MOB1A: variants seen among roughly 807,000 people sequenced by gnomAD.
The protein encoded by MOB1A is MOB1 Mps One Binder homolog A.
A neutral mutation model predicts 25.1 loss-of-function variants in MOB1A; 10 were observed. The ratio of observed to expected loss-of-function variants is 0.40; its 90% CI spans 0.25 to 0.68. MOB1A has a LOEUF of 0.68. Ranked by LOEUF, MOB1A falls within the 30% of genes least tolerant of loss-of-function variation. The probability of loss-of-function intolerance (pLI) is 0.40; values close to 1 mark genes in which losing one functional copy is unlikely to be tolerated. For synonymous variants in MOB1A, 81 were observed against 79.5 expected (o/e 1.02, Z -0.10); for missense variants, 177 against 256.3 (o/e 0.69, Z 2.11).
At chr2:74,176,353 C>T (rs373938834) in intron 1 of MOB1A, among the ~76,000 whole-genome samples, 1 of 125,080 alleles carries the variant, frequency 8.0e-6, no homozygotes, top group Non-Finnish European at 1.7e-5. Flanking sequence ...AAGTTTTTAA[C>T]ATGATAAAAA....
intron 2 of MOB1A, among the ~76,000 whole-genome samples, chr2:74,169,563 C>CT (rs1693224580): frequency 1.3e-5 from 2 of 152,062 alleles, no homozygotes; most frequent in Admixed American, 1.3e-4. Flanking sequence ...CAGAGTATCA[C>CT]GAGATATACC....
chr2:74,168,705 A>G (rs1693200173), intron 2 of MOB1A, among the ~76,000 whole-genome samples: 1 of 152,232 alleles, frequency 6.6e-6, no homozygotes, highest in Admixed American at 6.5e-5. Context: ...GTATTTTCCA[A>G]GTTTCTTAAA....
chr2:74,164,256 T>A (rs1244058794), intron 4 of MOB1A: 1 of 152,232 alleles, frequency 6.6e-6, no homozygotes, highest in African/African-American at 2.4e-5. Context: ...TGGTGGCTCA[T>A]GCCTGTAATC....
intron 1 of MOB1A, among the ~76,000 whole-genome samples, chr2:74,176,453 A>G (rs1273611616): frequency 6.6e-6 from 1 of 151,610 alleles, no homozygotes; most frequent in African/African-American, 2.4e-5. Context: ...CCTACAACTC[A>G]AAAAGACAGC....
At chr2:74,161,913 C>T (rs1316656024) in intron 4 of MOB1A, among the ~76,000 whole-genome samples, 3 of 148,808 alleles carry the variant, frequency 2.0e-5, no homozygotes, top group African/African-American at 7.5e-5. Flanking sequence ...GCTGTAACTG[C>T]ACCACTGCAC....
intron 2 of MOB1A, among the ~76,000 whole-genome samples, chr2:74,167,364 G>A (rs1693160574): frequency 6.6e-6 from 1 of 152,084 alleles, no homozygotes; most frequent in South Asian, 2.1e-4. Flanking sequence ...TCCTGCCTCA[G>A]CCTCCCAAGT....
At position 74,155,080 on chromosome 2, in the gene MOB1A, A is replaced by G. The variant is rs1572950948; in HGVS notation, c.*1488T>C. The G allele has an allele frequency of 1.3e-5, 2 of 152,360 alleles. No homozygotes were observed. The highest frequency in any genetic ancestry group is 1.9e-4 in the East Asian group (1 of 5,192). 9.4% of individuals were successfully genotyped at this position (152,360 alleles called of 1,614,324 possible). A position where few individuals can be genotyped will look rare whatever the true frequency, so the allele number is the denominator to read the frequency against. ...CTAACCTTTATCAAAGCCATCGAGG[A>G]GGTTGGTAAAATACTTTGCAAAAAT... On this transcript the variant is annotated 3_prime_UTR_variant, in exon 6 of 6. Coordinates refer to ENST00000396049, the MANE Select transcript of MOB1A (RefSeq NM_018221.5).
intron 5 of MOB1A, among the ~76,000 whole-genome samples, chr2:74,158,742 G>A (rs1692874171): frequency 6.9e-6 from 1 of 145,400 alleles, no homozygotes; most frequent in Non-Finnish European, 1.5e-5. Flanking sequence ...TCACGCCATT[G>A]CACTCTAGCC....
intron 1 of MOB1A, among the ~76,000 whole-genome samples, chr2:74,176,447 C>T (rs936926278): frequency 6.0e-5 from 9 of 151,206 alleles, no homozygotes; most frequent in Non-Finnish European, 8.8e-5. Flanking sequence ...AGAAGTCCTA[C>T]AACTCAAAAA....
rs1356284476 is a variant in MOB1A at position 74,159,093 on chromosome 2, G to C, written c.571C>G (p.Gln191Glu). 2.5e-6 allele frequency: 4 copies of C among 1,613,586 alleles called. 1 individual carries two copies. The South Asian group carries it at 4.4e-5, about 18-fold the overall frequency. Residue 191 changes from glutamine to glutamate, a missense_variant and splice_region_variant, in exon 5 of 6, where the codon CAG (glutamine) becomes GAG (glutamate). Gln to Glu is a conservative substitution (Grantham distance 29). Transcript: ENST00000396049. ...TSFKHFIFFV[Q>E]EFNLIDRREL... ...GAAATCAACATGGATCAACTTACCTGAACAAAGAAAATAAAGTGCTTAAAG... is the reference window on the plus strand; with the variant it reads ...GAAATCAACATGGATCAACTTACCTCAACAAAGAAAATAAAGTGCTTAAAG...
chr2:74,164,956 A>G (rs1343725446), intron 4 of MOB1A: 1 of 202,842 alleles, frequency 4.9e-6, no homozygotes, highest in African/African-American at 2.3e-5. Flanking sequence ...TGTTGGTACA[A>G]ACTTTTTGGA....
At chr2:74,170,300 G>A (rs1313500296) in intron 2 of MOB1A, among the ~76,000 whole-genome samples, 1 of 151,898 alleles carries the variant, frequency 6.6e-6, no homozygotes, top group Non-Finnish European at 1.5e-5. Context: ...ACCACACCTA[G>A]CTAAATTTTT....
At chr2:74,173,405 T>C (rs7559252) in intron 1 of MOB1A, among the ~76,000 whole-genome samples, 48,340 of 132,092 alleles carry the variant, frequency 0.37, 9,455 homozygotes, top group Middle Eastern at 0.45. Context: ...TTTTGAGATG[T>C]AGTCTTACTC....
In MOB1A at chr2:74,157,036, C is replaced by A. The variant is rs193113598; in HGVS notation, c.574-391G>T. ...GCTCCTAAAACCCTTGTTGGAATCA[C>A]CAGAGTGCTAAGAGTATCTTGTATG... On this transcript the variant is annotated intron_variant, in intron 5 of 5. Coordinates refer to ENST00000396049, the MANE Select transcript of MOB1A (RefSeq NM_018221.5). Among the ~76,000 whole-genome samples, 335 of 151,316 alleles carry A rather than the reference C, an allele frequency of 2.2e-3. 1 individual carries two copies. Among genetic ancestry groups the A allele is most frequent in the Non-Finnish European group, 3.7e-3 (250 of 67,778 alleles).
At chr2:74,174,776 C>T (rs542235325) in intron 1 of MOB1A, among the ~76,000 whole-genome samples, 1 of 152,076 alleles carries the variant, frequency 6.6e-6, no homozygotes, top group Non-Finnish European at 1.5e-5. Flanking sequence ...AAAGGATGAA[C>T]TGGATAATAG....
chr2:74,160,034 C>A (rs868142503), intron 4 of MOB1A, among the ~76,000 whole-genome samples: 1 of 152,144 alleles, frequency 6.6e-6, no homozygotes, highest in African/African-American at 2.4e-5. Flanking sequence ...CCAGCCTGGT[C>A]TCGAATTCCT....
intron 1 of MOB1A, among the ~76,000 whole-genome samples, chr2:74,175,726 G>C (rs1693434111): frequency 6.6e-6 from 1 of 152,144 alleles, no homozygotes; most frequent in African/African-American, 2.4e-5. Flanking sequence ...TTGTATAGAA[G>C]TTAAGAAAAC....
At chr2:74,156,728 C>T in intron 5 of MOB1A, 83 bp from the exon 6 acceptor site, 4 of 941,628 alleles carry the variant, frequency 4.2e-6, no homozygotes, top group Non-Finnish European at 6.5e-6. Flanking sequence ...GGATTCCCAA[C>T]TCTAGTTTTC....
At chr2:74,169,960 GTACA>G (rs1209548449) in intron 2 of MOB1A, among the ~76,000 whole-genome samples, 1 of 151,682 alleles carries the variant, frequency 6.6e-6, no homozygotes, top group African/African-American at 2.4e-5. Flanking sequence ...ACACAGAATG[GTACA>G]TATTTATGGG....
Sources: gnomAD v4.1 joint callset for allele counts (sites outside exome capture counted in the v4.1 genomes callset) on GRCh38, gnomAD v4.1.1 for gene constraint, MANE v1.5 for transcripts, NCBI Gene and HGNC (gene_info 2026-07-23, HGNC 2026-07-21) for gene names.